KPNB1: variants seen among roughly 807,000 people sequenced by gnomAD.
KPNB1 encodes the protein importin subunit beta-1.
Under a neutral mutation model 113.0 loss-of-function variants are expected in KPNB1, and 7 were observed. The ratio of observed to expected loss-of-function variants is 0.06; its 90% CI spans 0.04 to 0.12. KPNB1 has a LOEUF of 0.12. Among genes scored for constraint, KPNB1 ranks in the 10% least tolerant of loss-of-function variants. KPNB1 has a pLI of 1.00. For missense variants in KPNB1, 400 were observed against 1,054.8 expected (o/e 0.38, Z 8.60); for synonymous variants, 363 against 378.6 (o/e 0.96, Z 0.48).
intron 6 of KPNB1, among the ~76,000 whole-genome samples, chr17:47,661,897 A>C (rs1597927433): frequency 1.3e-5 from 2 of 152,328 alleles, no homozygotes; most frequent in South Asian, 4.1e-4. Flanking sequence ...ATATATATAC[A>C]CAAACAGTTA....
intron 9 of KPNB1, 55 bp from the exon 10 acceptor site, chr17:47,668,131 G>C: frequency 7.1e-7 from 1 of 1,411,306 alleles, no homozygotes; most frequent in Non-Finnish European, 1.0e-6. Flanking sequence ...AGGACCTTTA[G>C]AGTTAAAATG....
At chr17:47,670,881 A>T in intron 12 of KPNB1, 49 bp downstream of exon 12, 1 of 1,530,422 alleles carries the variant, frequency 6.5e-7, no homozygotes. Context: ...TCCAAGTTCT[A>T]TTGCCTTCTG....
Position 47,665,049 on chromosome 17 carries a change from C to T in KPNB1, c.898-8C>T, listed in dbSNP as rs753034464. 1 of 1,613,344 alleles carries T rather than the reference C, an allele frequency of 6.2e-7. No homozygotes were observed. The highest frequency in any genetic ancestry group is 8.5e-7 in the Non-Finnish European group (1 of 1,179,322). ...CTTTTGTCTAGAATTTGCTTTGTTT[C>T]TCCTCAGGCAGCAGAACAAGGACGG... On this transcript the variant is annotated splice_polypyrimidine_tract_variant and splice_region_variant and intron_variant, in intron 8 of 21. Transcript: ENST00000290158.
Position 47,680,148 on chromosome 17 carries a change from T to C in KPNB1, c.2468+14T>C, listed in dbSNP as rs1243225064. 6.6e-7 allele frequency: 1 copy of C among 1,512,170 alleles called. No individual in the cohort carries two copies. The highest frequency in any genetic ancestry group is 9.2e-7 in the Non-Finnish European group (1 of 1,087,660). 93.7% of individuals were successfully genotyped at this position (1,512,170 alleles called of 1,614,324 possible). A position where few individuals can be genotyped will look rare whatever the true frequency, so the allele number is the denominator to read the frequency against. ...TGGACTAATAGGGTAAGTTATACCC[T>C]GCTTCTAAGAGCTGAATAGAACTTC... On this transcript the variant is annotated intron_variant, in intron 20 of 21. Transcript: ENST00000290158.
intron 3 of KPNB1, 118 bp downstream of exon 3, chr17:47,652,994 CT>C: frequency 3.2e-6 from 2 of 618,878 alleles, no homozygotes; most frequent in Non-Finnish European, 5.1e-6. Context: ...GGGACCTCAA[CT>C]TTACCTAAAG....
intron 6 of KPNB1, 88 bp downstream of exon 6, chr17:47,661,266 T>C: frequency 1.0e-6 from 1 of 971,036 alleles, no homozygotes; most frequent in Non-Finnish European, 1.7e-6. Flanking sequence ...TGGGAATCAG[T>C]TGACTTCAGC....
At chr17:47,674,564 T>C in intron 14 of KPNB1, 74 bp from the exon 15 acceptor site, 1 of 1,428,968 alleles carries the variant, frequency 7.0e-7, no homozygotes, top group South Asian at 1.4e-5. Context: ...TAATTGATTT[T>C]AAAAAGAAAA....
chr17:47,676,635 G>A (rs1208840863), intron 16 of KPNB1, 144 bp downstream of exon 16: 3 of 636,968 alleles, frequency 4.7e-6, no homozygotes, highest in East Asian at 2.8e-5. Context: ...TTGCCTGAAC[G>A]TTTGAACTGG....
chr17:47,678,233 A>C lies in KPNB1; in HGVS notation c.2247+44A>C, dbSNP rs778514442. 20 of 1,613,210 alleles carry C rather than the reference A, an allele frequency of 1.2e-5. No homozygotes were observed. In the African/African-American group the frequency reaches 1.3e-4, roughly 11 times the overall value. On this transcript the variant is annotated intron_variant, in intron 18 of 21. Coordinates refer to ENST00000290158, the MANE Select transcript of KPNB1 (RefSeq NM_002265.6). ...TGGCTGTTCTTTAAGTCTAGCTCTA[A>C]TTGGAGGGACTATTGACAAACATGC...
intron 21 of KPNB1, among the ~76,000 whole-genome samples, chr17:47,681,686 G>GTTTGTTTT (rs1567896578): frequency 4.2e-5 from 4 of 96,032 alleles, no homozygotes; most frequent in Non-Finnish European, 5.7e-5. Flanking sequence ...GGAATTATAG[G>GTTTGTTTT]TTTTTTTTTT....
At chr17:47,651,103 G>T (rs1209843836) in intron 2 of KPNB1, 2 of 418,348 alleles carry the variant, frequency 4.8e-6, no homozygotes, top group African/African-American at 4.4e-5. Context: ...CTAGGGATCT[G>T]CACCCAGAAA....
At chr17:47,672,510 C>T (rs1292164128) in intron 12 of KPNB1, among the ~76,000 whole-genome samples, 6 of 151,966 alleles carry the variant, frequency 3.9e-5, no homozygotes, top group African/African-American at 1.2e-4. Context: ...CGTGCCTCAG[C>T]CTCCTGAGTA....
At chr17:47,656,043 C>T (rs961235695) in intron 3 of KPNB1, among the ~76,000 whole-genome samples, 7 of 151,816 alleles carry the variant, frequency 4.6e-5, no homozygotes, top group Non-Finnish European at 8.8e-5. Flanking sequence ...CACCTGAGGT[C>T]AGGAGTTTGA....
chr17:47,682,665 A>C lies in KPNB1; in HGVS notation c.*261A>C. On this transcript the variant is annotated 3_prime_UTR_variant, in exon 22 of 22. Coordinates refer to ENST00000290158, the MANE Select transcript of KPNB1 (RefSeq NM_002265.6). Reference sequence around the variant, plus strand: ...GGCCATCTTGGAAAAGAGAAAAACAATGGAGTTACTTATTTAAAAAAAAAG... The same window carrying C: ...GGCCATCTTGGAAAAGAGAAAAACACTGGAGTTACTTATTTAAAAAAAAAG... 1.9e-6 allele frequency: 1 copy of C among 525,714 alleles called. No individual in the cohort carries two copies. The highest frequency in any genetic ancestry group is 3.4e-6 in the Non-Finnish European group (1 of 297,508). The allele number at this position is 525,714 out of a possible 1,614,324, so 32.6% of individuals were successfully genotyped here.
intron 21 of KPNB1, among the ~76,000 whole-genome samples, chr17:47,681,052 T>TG (rs1188441119): frequency 1.0e-4 from 10 of 98,928 alleles, no homozygotes; most frequent in African/African-American, 3.7e-4. Context: ...GTCAAATGTT[T>TG]TTTTGTGTGT....
intron 4 of KPNB1, among the ~76,000 whole-genome samples, chr17:47,657,606 G>A (rs1208586986): frequency 2.6e-5 from 4 of 152,218 alleles, no homozygotes; most frequent in African/African-American, 9.6e-5. Flanking sequence ...ATGTGCCTAG[G>A]TGTCGATCCT....
chr17:47,670,663 G>A, intron 11 of KPNB1, 39 bp from the exon 12 acceptor site: 2 of 1,564,478 alleles, frequency 1.3e-6, no homozygotes, highest in Non-Finnish European at 1.7e-6. Flanking sequence ...AAGGTGTGGG[G>A]TTCTTTCAGG....
At chr17:47,650,593 A>G (rs542141789) in intron 2 of KPNB1, 149 bp downstream of exon 2, 21 of 620,894 alleles carry the variant, frequency 3.4e-5, no homozygotes, top group South Asian at 3.2e-4. Context: ...AACCCGGTCC[A>G]ACCTAACCCC....
intron 16 of KPNB1, 43 bp downstream of exon 16, chr17:47,676,534 G>T: frequency 1.4e-6 from 2 of 1,440,618 alleles, no homozygotes; most frequent in South Asian, 2.3e-5. Context: ...ATTTATATCT[G>T]ACAGTCACTG....
Sources: gnomAD v4.1 joint callset for allele counts (sites outside exome capture counted in the v4.1 genomes callset) on GRCh38, gnomAD v4.1.1 for gene constraint, MANE v1.5 for transcripts, NCBI Gene and HGNC (gene_info 2026-07-23, HGNC 2026-07-21) for gene names.